Variants in ELAVL2 observed in about 807,000 individuals in gnomAD.
The protein encoded by ELAVL2 is ELAV-like protein 2.
A neutral mutation model predicts 34.6 loss-of-function variants in ELAVL2; 4 were observed. That is an observed-to-expected ratio of 0.12 (90% CI 0.06 to 0.26). ELAVL2 has a LOEUF of 0.26. ELAVL2 is among the 10% of genes least tolerant of loss of function. The pLI is 1.00. For missense variants in ELAVL2, 432 were observed against 442.8 expected (o/e 0.98, Z 0.22); for synonymous variants, 193 against 154.8 (o/e 1.25, Z -1.83).
rs79733091 is a variant in ELAVL2 at position 23,691,305 on chromosome 9, C to T, written c.*1252G>A. The T allele has an allele frequency of 5.2e-5, 8 of 152,700 alleles. No homozygotes were observed. In the East Asian group the frequency reaches 1.5e-3, roughly 29 times the overall value. The allele number at this position is 152,700 out of a possible 1,614,324, so 9.5% of individuals were successfully genotyped here. A position where few individuals can be genotyped will look rare whatever the true frequency, so the allele number is the denominator to read the frequency against. On this transcript the variant is annotated 3_prime_UTR_variant, in exon 7 of 7. Coordinates refer to ENST00000397312, the MANE Select transcript of ELAVL2 (RefSeq NM_004432.5). ...GTTCATAAACACAAGGTCTTATTTA[C>T]ATTACACAAAGCTCAGGTGTTAGCC... is the stretch of plus-strand genomic sequence containing the variant.
intron 3 of ELAVL2, among the ~76,000 whole-genome samples, chr9:23,713,905 G>T (rs146146808): frequency 4.8e-4 from 73 of 152,154 alleles, no homozygotes; most frequent in African/African-American, 1.4e-3. Context: ...TCCAGGTCTT[G>T]GCTCTGTTAC....
At chr9:23,693,348 C>G in intron 6 of ELAVL2, 100 bp downstream of exon 6, 3 of 1,451,166 alleles carry the variant, frequency 2.1e-6, no homozygotes, top group Non-Finnish European at 2.8e-6. Flanking sequence ...AAAATAAAAC[C>G]CAACAAAAAC....
At chr9:23,758,333 GA>G (rs1354231026) in intron 2 of ELAVL2, among the ~76,000 whole-genome samples, 2 of 151,972 alleles carry the variant, frequency 1.3e-5, no homozygotes, top group African/African-American at 4.8e-5. Flanking sequence ...CCCAGATTTA[GA>G]TACTACCATT....
intron 1 of ELAVL2, among the ~76,000 whole-genome samples, chr9:23,788,524 T>A (rs896030890): frequency 6.6e-6 from 1 of 152,164 alleles, no homozygotes; most frequent in Non-Finnish European, 1.5e-5. Context: ...CAGTAAGACA[T>A]TAACAATAAC....
At chr9:23,829,724 C>T (rs1392337594), upstream of ELAVL2, 1 of 152,116 alleles carries the variant, frequency 6.6e-6, no homozygotes, top group East Asian at 1.9e-4. Context: ...AAAATTGACA[C>T]CAGTGTGAAT....
chr9:23,766,274 G>T (rs2056240947), intron 1 of ELAVL2, among the ~76,000 whole-genome samples: 3 of 152,052 alleles, frequency 2.0e-5, no homozygotes, highest in Admixed American at 2.0e-4. Context: ...TGTAACAAGA[G>T]ATTTTGGTCT....
intron 2 of ELAVL2, among the ~76,000 whole-genome samples, chr9:23,756,991 C>G (rs565177454): frequency 6.6e-6 from 1 of 152,156 alleles, no homozygotes; most frequent in Non-Finnish European, 1.5e-5. Context: ...CAGTCTGATT[C>G]CCAAAACTTT....
chr9:23,779,205 G>A (rs1194258153), intron 1 of ELAVL2: 5 of 985,274 alleles, frequency 5.1e-6, no homozygotes, highest in Non-Finnish European at 6.0e-6. Context: ...GGTAAGTGGG[G>A]AAGGAACTGA....
intron 3 of ELAVL2, among the ~76,000 whole-genome samples, chr9:23,722,394 TTA>T (rs1343205088): frequency 6.6e-6 from 1 of 152,222 alleles, no homozygotes; most frequent in Non-Finnish European, 1.5e-5. Flanking sequence ...GTTAACTCAC[TTA>T]TCTGCTAAGT....
chr9:23,822,711 G>A (rs762139530), intron 1 of ELAVL2, among the ~76,000 whole-genome samples: 1 of 152,166 alleles, frequency 6.6e-6, no homozygotes. Context: ...CAAAGGCATC[G>A]ATTTTAGCCC....
chr9:23,756,668 ATTAAC>A (rs1362528024), intron 2 of ELAVL2, among the ~76,000 whole-genome samples: 1 of 152,196 alleles, frequency 6.6e-6, no homozygotes, highest in African/African-American at 2.4e-5. Flanking sequence ...AAAGCTAGGA[ATTAAC>A]TCAGAGACCA....
intron 2 of ELAVL2, among the ~76,000 whole-genome samples, chr9:23,737,476 T>G (rs891867513): frequency 6.6e-6 from 1 of 152,246 alleles, no homozygotes; most frequent in Non-Finnish European, 1.5e-5. Flanking sequence ...AAAAGTGTCA[T>G]CTAGAGTAAT....
intron 1 of ELAVL2, among the ~76,000 whole-genome samples, chr9:23,783,222 C>T (rs573242765): frequency 1.3e-5 from 2 of 152,298 alleles, no homozygotes; most frequent in African/African-American, 2.4e-5. Context: ...ATTATCCTTA[C>T]CTCATTTGTT....
intron 2 of ELAVL2, among the ~76,000 whole-genome samples, chr9:23,739,055 C>T (rs974327888): frequency 1.3e-5 from 2 of 152,174 alleles, no homozygotes; most frequent in South Asian, 4.1e-4. Flanking sequence ...ACAGAAACAG[C>T]ATATTAAATC....
intron 1 of ELAVL2, among the ~76,000 whole-genome samples, chr9:23,802,782 G>C (rs935547021): frequency 3.3e-5 from 5 of 152,160 alleles, no homozygotes; most frequent in African/African-American, 7.2e-5. Flanking sequence ...CAGTTGACTA[G>C]ATCTATTAAG....
intron 2 of ELAVL2, among the ~76,000 whole-genome samples, chr9:23,746,139 A>G (rs551700571): frequency 6.6e-6 from 1 of 152,304 alleles, no homozygotes; most frequent in East Asian, 1.9e-4. Context: ...ATTGTTTGAA[A>G]GGCACTGACA....
intron 1 of ELAVL2, among the ~76,000 whole-genome samples, chr9:23,823,004 T>G (rs958460956): frequency 9.2e-5 from 14 of 152,076 alleles, no homozygotes; most frequent in African/African-American, 3.4e-4. Context: ...TTGGGCGAAG[T>G]CTAATCAGCA....
At chr9:23,728,320 A>G (rs2045747458) in intron 3 of ELAVL2, among the ~76,000 whole-genome samples, 1 of 152,172 alleles carries the variant, frequency 6.6e-6, no homozygotes, top group South Asian at 2.1e-4. Flanking sequence ...GATGGGCTCC[A>G]AAAGATGAGA....
chr9:23,693,543 G>C, intron 5 of ELAVL2, 57 bp from the exon 6 acceptor site: 1 of 1,605,584 alleles, frequency 6.2e-7, no homozygotes, highest in South Asian at 1.1e-5. Context: ...TGATGTTCAA[G>C]AAAGTTGGGC....
Sources: gnomAD v4.1 joint callset for allele counts (sites outside exome capture counted in the v4.1 genomes callset) on GRCh38, gnomAD v4.1.1 for gene constraint, MANE v1.5 for transcripts, NCBI Gene and HGNC (gene_info 2026-07-23, HGNC 2026-07-21) for gene names.